SLC12A3: variants seen among roughly 807,000 people sequenced by gnomAD.
SLC12A3 encodes the protein Na-Cl cotransporter.
Under a neutral mutation model 121.0 loss-of-function variants are expected in SLC12A3, and 104 were observed. The ratio of observed to expected loss-of-function variants is 0.86; its 90% confidence interval spans 0.73 to 1.01. The LOEUF is 1.01. Among genes scored for constraint, SLC12A3 ranks in the 50% least tolerant of loss-of-function variants. SLC12A3 has a pLI of 0.00. For synonymous variants in SLC12A3, 536 were observed against 533.4 expected, an observed-to-expected ratio of 1.00 and a Z score of -0.07; for missense variants, 1,328 against 1,356.3, an observed-to-expected ratio of 0.98 and a Z score of 0.33.
At chr16:56,900,075 C>T (rs1364657033) in intron 23 of SLC12A3, among the ~76,000 whole-genome samples, 12 of 152,130 alleles carry the variant, frequency 7.9e-5, no homozygotes, top group Non-Finnish European at 1.5e-4. Context: ...AATCAGTGTG[C>T]GTGAGGTTTT....
In SLC12A3 at chr16:56,887,918, C is replaced by G; in HGVS notation, c.2179-7C>G. ...GGGTTCCCCATCTCACCCCTATCCC[C>G]TGGCAGGCCGCAGGTCTCGGGAGAA... On this transcript the variant is annotated splice_region_variant and splice_polypyrimidine_tract_variant and intron_variant, in intron 17 of 25. Coordinates refer to ENST00000563236, the MANE Select transcript of SLC12A3 (RefSeq NM_001126108.2). 1.2e-6 allele frequency: 2 copies of G among 1,609,450 alleles called. No individual in the cohort carries two copies. The highest frequency in any genetic ancestry group is 1.7e-6 in the Non-Finnish European group (2 of 1,177,332).
At position 56,889,484 on chromosome 16, in the gene SLC12A3, T is replaced by C. The variant is rs529008422; in HGVS notation, c.2286-790T>C. Among the ~76,000 whole-genome samples, 8 of 152,320 alleles carry C rather than the reference T, an allele frequency of 5.3e-5. No homozygotes were observed. The East Asian group carries it at 1.5e-3, about 29-fold the overall frequency. On this transcript the variant is annotated intron_variant, in intron 18 of 25. Transcript: ENST00000563236. The stretch of plus-strand genomic sequence containing the variant: ...CCAGACATCTTTAATTATTTTATTT[T>C]ATTTATTTTTGAGACAGAGTCTTGT...
chr16:56,879,009 G>T (rs1329603151), intron 9 of SLC12A3, 64 bp from the exon 10 acceptor site: 66 of 1,551,920 alleles, frequency 4.3e-5, no homozygotes, highest in Non-Finnish European at 5.6e-5. Context: ...GCAGAGGTGG[G>T]GCTGGAAGAG....
chr16:56,887,772 TTATATATA>T (rs1555500981), intron 17 of SLC12A3, among the ~76,000 whole-genome samples, 145 bp from the exon 18 acceptor site: 32 of 59,968 alleles, frequency 5.3e-4, no homozygotes, highest in East Asian at 2.9e-3. Flanking sequence ...ATTTTTAAGA[TTATATATA>T]TATATATATA....
chr16:56,909,796 A>G (rs1328440960), intron 25 of SLC12A3, among the ~76,000 whole-genome samples: 2 of 88,178 alleles, frequency 2.3e-5, no homozygotes, highest in East Asian at 3.6e-4. Context: ...TGAGGAAGGG[A>G]AAAAAAAAAA....
chr16:56,887,052 A>G lies in SLC12A3; in HGVS notation c.2137A>G (p.Ile713Val), dbSNP rs376574031. 2.2e-5 allele frequency: 36 copies of G among 1,613,860 alleles called. No individual in the cohort carries two copies. Among genetic ancestry groups the G allele is most frequent in the Non-Finnish European group, 3.1e-5 (36 of 1,180,010 alleles). Residue 713 changes from isoleucine (I) to valine (V), a missense_variant, in exon 17 of 26, where the codon ATT becomes GTT. Coordinates refer to ENST00000563236, the MANE Select transcript of SLC12A3 (RefSeq NM_001126108.2). Reference sequence around the variant, plus strand: ...GATCAAGGCCTTCTACTCGGATGTCATTGCCGAGGACCTCCGCAGAGGCGT... The same window carrying G: ...GATCAAGGCCTTCTACTCGGATGTCGTTGCCGAGGACCTCCGCAGAGGCGT... ...RKIKAFYSDVIAEDLRRGVQI... is the reference protein window; with the variant it reads ...RKIKAFYSDVVAEDLRRGVQI...
chr16:56,869,667 T>C, intron 3 of SLC12A3, 62 bp from the exon 4 acceptor site: 1 of 1,352,820 alleles, frequency 7.4e-7, no homozygotes, highest in African/African-American at 1.4e-5. Context: ...GGTGAATGAG[T>C]AGGCAAACTG....
chr16:56,911,077 T>A (rs575619858), intron 25 of SLC12A3, among the ~76,000 whole-genome samples: 2 of 152,246 alleles, frequency 1.3e-5, no homozygotes, highest in East Asian at 3.9e-4. Flanking sequence ...ACCCCCATGG[T>A]GCAGGCACCA....
Position 56,885,279 on chromosome 16 carries a change from TC to T in SLC12A3, c.1842del (p.Ser615ArgfsTer57). 2 of 1,552,840 alleles carry T rather than the reference TC, an allele frequency of 1.3e-6. No homozygotes were observed. The highest frequency in any genetic ancestry group is 1.7e-6 in the Non-Finnish European group (2 of 1,147,438). ...IYKKPEVNWG[S>X]SVQAGSYNLA... ...TGCTCTCCCAGAGGTAAATTGGGGC[TC>T]CTCGGTACAGGCTGGCTCCTACAAC... is the stretch of plus-strand genomic sequence containing the variant. On this transcript the variant is annotated frameshift_variant, in exon 15 of 26. Transcript: ENST00000563236. LOFTEE classifies it high-confidence loss of function.
At chr16:56,904,810 C>G (rs1365123723) in intron 25 of SLC12A3, 1 of 358,544 alleles carries the variant, frequency 2.8e-6, no homozygotes, top group African/African-American at 2.1e-5. Context: ...CCTGGTTGTT[C>G]AGGAATTACT....
In SLC12A3 at chr16:56,887,912, T is replaced by C. The variant is rs771506699; in HGVS notation, c.2179-13T>C. ...TCTGATGGGTTCCCCATCTCACCCC[T>C]ATCCCCTGGCAGGCCGCAGGTCTCG... On this transcript the variant is annotated splice_polypyrimidine_tract_variant and intron_variant, in intron 17 of 25. Transcript: ENST00000563236. 6.3e-7 allele frequency: 1 copy of C among 1,595,718 alleles called. No homozygotes were observed.
At chr16:56,899,699 G>T in intron 23 of SLC12A3, 83 bp downstream of exon 23, 2 of 972,112 alleles carry the variant, frequency 2.1e-6, no homozygotes, top group East Asian at 2.4e-5. Flanking sequence ...CTTTTTCCTT[G>T]GTAGACTAGG....
chr16:56,890,092 G>T (rs937901818), intron 18 of SLC12A3, among the ~76,000 whole-genome samples, 182 bp from the exon 19 acceptor site: 5 of 152,210 alleles, frequency 3.3e-5, no homozygotes, highest in African/African-American at 9.6e-5. Context: ...AGAGCTGGAG[G>T]AGTCCTGGGG....
rs371349105 is a variant in SLC12A3 at position 56,886,961 on chromosome 16, C to T, written c.2046C>T (p.His682=). ...MICGHVLIGP[H]KQRMPELQLI... ...GCCCCTCCCACCCACAGGGACCCCA[C>T]AAGCAGAGGATGCCTGAGCTCCAGC... The change falls in exon 17 of 26, where the codon CAC becomes CAT. Residue 682 remains histidine, a synonymous_variant. Coordinates refer to ENST00000563236, the MANE Select transcript of SLC12A3 (RefSeq NM_001126108.2). 2 of 1,613,624 alleles carry T rather than the reference C, an allele frequency of 1.2e-6. No individual in the cohort carries two copies. The highest frequency in any genetic ancestry group is 1.7e-5 in the Admixed American group (1 of 60,010).
At chr16:56,886,602 C>T in intron 16 of SLC12A3, 127 bp downstream of exon 16, 1 of 859,466 alleles carries the variant, frequency 1.2e-6, no homozygotes, top group Admixed American at 2.0e-5. Flanking sequence ...CTGGCCAACA[C>T]AGCTCCTGGG....
chr16:56,882,580 G>C, intron 13 of SLC12A3, 83 bp downstream of exon 13: 1 of 1,057,924 alleles, frequency 9.5e-7, no homozygotes, highest in South Asian at 1.3e-5. Context: ...TGGGAGGCAT[G>C]GGTGGAGGTT....
In SLC12A3 at chr16:56,914,565, C is replaced by G. The variant is rs1358221396; in HGVS notation, c.*1160C>G. 1 of 152,230 alleles carries G rather than the reference C, an allele frequency of 6.6e-6. No individual in the cohort carries two copies. The highest frequency in any genetic ancestry group is 2.4e-5 in the African/African-American group (1 of 41,450). 9.4% of individuals were successfully genotyped at this position (152,230 alleles called of 1,614,324 possible). On this transcript the variant is annotated 3_prime_UTR_variant, in exon 26 of 26. Transcript: ENST00000563236. ...GTTGTGCCTTGCATTTGTCCACACA[C>G]AGGGAGTCTGGCTGAGCTGGGGAAA...
At position 56,886,305 on chromosome 16, in the gene SLC12A3, A is replaced by G. The variant is rs1164744193; in HGVS notation, c.1926-59A>G. On this transcript the variant is annotated intron_variant, in intron 15 of 25. Coordinates refer to ENST00000563236, the MANE Select transcript of SLC12A3 (RefSeq NM_001126108.2). ...AGGGAGCCTGGGAGGTGCCTTTCGC[A>G]CCCAGACCCCCGTGGGCTCTCTCCT... 6 of 1,325,462 alleles carry G rather than the reference A, an allele frequency of 4.5e-6. No homozygotes were observed. In the African/African-American group the frequency reaches 7.2e-5, roughly 16 times the overall value. 82.1% of individuals were successfully genotyped at this position (1,325,462 alleles called of 1,614,324 possible). A position where few individuals can be genotyped will look rare whatever the true frequency, so the allele number is the denominator to read the frequency against.
At chr16:56,877,175 T>G (rs1199709350) in intron 8 of SLC12A3, among the ~76,000 whole-genome samples, 1 of 152,160 alleles carries the variant, frequency 6.6e-6, no homozygotes, top group Non-Finnish European at 1.5e-5. Context: ...GTGGATCACT[T>G]GAGGTCAGGA....
Sources: gnomAD v4.1 joint callset for allele counts (sites outside exome capture counted in the v4.1 genomes callset) on GRCh38, gnomAD v4.1.1 for gene constraint, MANE v1.5 for transcripts, NCBI Gene and HGNC (gene_info 2026-07-23, HGNC 2026-07-21) for gene names.